ROBO2: variants seen among roughly 807,000 people sequenced by gnomAD.
ROBO2 encodes the protein roundabout guidance receptor 2, also known as roundabout homolog 2.
Under a neutral mutation model 160.8 loss-of-function variants are expected in ROBO2, and 53 were observed. That is an observed-to-expected ratio of 0.33 (90% confidence interval 0.26 to 0.41). ROBO2 has a LOEUF of 0.41. Ranked by LOEUF, ROBO2 falls within the 10% of genes least tolerant of loss-of-function variation. The probability of loss-of-function intolerance (pLI) is 1.00; values close to 1 mark genes in which losing one functional copy is unlikely to be tolerated. For missense variants in ROBO2, 1,577 were observed against 1,722.4 expected, an observed-to-expected ratio of 0.92 and a Z score of 1.49; for synonymous variants, 664 against 611.7, an observed-to-expected ratio of 1.09 and a Z score of -1.26.
chr3:76,800,806 C>T (rs1303318974), intron 2 of ROBO2, among the ~76,000 whole-genome samples: 1 of 152,130 alleles, frequency 6.6e-6, no homozygotes, highest in Non-Finnish European at 1.5e-5. Flanking sequence ...CTGCGGAGAA[C>T]AGTATGGGGG....
chr3:76,492,708 T>C (rs1472948681), intron 2 of ROBO2, among the ~76,000 whole-genome samples: 2 of 152,160 alleles, frequency 1.3e-5, no homozygotes, highest in African/African-American at 4.8e-5. Context: ...ACGTACTATA[T>C]ACAGCTTTTT....
chr3:76,990,087 T>C (rs1418234817), intron 2 of ROBO2, among the ~76,000 whole-genome samples: 2 of 104,974 alleles, frequency 1.9e-5, no homozygotes, highest in Non-Finnish European at 3.8e-5. Flanking sequence ...AAAATTATTT[T>C]TCTACTCTCT....
upstream of ROBO2, among the ~76,000 whole-genome samples, chr3:77,035,168 C>A (rs2063553967): frequency 6.6e-6 from 1 of 151,754 alleles, no homozygotes; most frequent in Non-Finnish European, 1.5e-5. Context: ...CCAAAGAACT[C>A]CTTTTTAATT....
intron 2 of ROBO2, among the ~76,000 whole-genome samples, chr3:76,343,299 TG>T (rs2074338740): frequency 6.6e-6 from 1 of 152,104 alleles, no homozygotes; most frequent in African/African-American, 2.4e-5. Flanking sequence ...CTTCCATTTT[TG>T]TTTGCCCTAA....
intron 2 of ROBO2, among the ~76,000 whole-genome samples, chr3:76,718,966 A>G (rs1002114550): frequency 2.0e-5 from 3 of 152,206 alleles, no homozygotes; most frequent in East Asian, 1.9e-4. Context: ...AAGCACGGAC[A>G]TATTTTTCAA....
In ROBO2 at chr3:76,304,775, T is replaced by C. The variant is rs544643868; in HGVS notation, c.109+367173T>C. Among the ~76,000 whole-genome samples the C allele has an allele frequency of 3.3e-5, 5 of 151,176 alleles. No individual in the cohort carries two copies. In the South Asian group the frequency reaches 8.4e-4, roughly 25 times the overall value. On this transcript the variant is annotated intron_variant, in intron 2 of 26. Transcript: ENST00000487694. The stretch of plus-strand genomic sequence containing the variant: ...CTTTCTTTCTTTCTTTCTTTCTTTC[T>C]TTCTTTCTTTCTTTCTTTCTTTCTC...
At chr3:76,438,682 T>G (rs2076791607) in intron 2 of ROBO2, among the ~76,000 whole-genome samples, 1 of 152,106 alleles carries the variant, frequency 6.6e-6, no homozygotes, top group African/African-American at 2.4e-5. Context: ...TGTAATTACA[T>G]TTTCAAGTAT....
intron 2 of ROBO2, among the ~76,000 whole-genome samples, chr3:76,103,521 T>C (rs1004114356): frequency 6.6e-6 from 1 of 152,208 alleles, no homozygotes; most frequent in African/African-American, 2.4e-5. Flanking sequence ...AGAATTATTC[T>C]TCGTAATGCT....
At chr3:76,013,287 CT>C (rs2066264862) in intron 2 of ROBO2, among the ~76,000 whole-genome samples, 1 of 145,472 alleles carries the variant, frequency 6.9e-6, no homozygotes, top group African/African-American at 2.6e-5. Context: ...GGCACGGTGG[CT>C]TATGCGTGTA....
intron 2 of ROBO2, among the ~76,000 whole-genome samples, chr3:76,441,073 T>C (rs1048699632): frequency 6.6e-6 from 1 of 152,188 alleles, no homozygotes; most frequent in African/African-American, 2.4e-5. Context: ...CTAGACCTCA[T>C]TGGGATAAAA....
chr3:76,795,371 C>A (rs779848728), intron 2 of ROBO2, among the ~76,000 whole-genome samples: 2 of 152,176 alleles, frequency 1.3e-5, no homozygotes, highest in African/African-American at 4.8e-5. Flanking sequence ...TGTAGAACTT[C>A]TTTCAGAATT....
intron 2 of ROBO2, among the ~76,000 whole-genome samples, chr3:76,680,739 C>T (rs1253709499): frequency 2.0e-5 from 3 of 151,920 alleles, no homozygotes; most frequent in African/African-American, 4.8e-5. Flanking sequence ...ATGACCTTAT[C>T]ACCATTCAGT....
intron 2 of ROBO2, among the ~76,000 whole-genome samples, chr3:76,235,051 C>T (rs1188736742): frequency 2.0e-5 from 3 of 152,018 alleles, no homozygotes; most frequent in East Asian, 1.9e-4. Context: ...CTTAGAAGGA[C>T]GTGAATTTTG....
rs142789291 is a variant in ROBO2, at chr3:77,178,874, G to T, written c.388+80534G>T. On this transcript the variant is annotated intron_variant, in intron 2 of 25. Transcript: ENST00000461745. ...GTTTGATTTGTTAAGAAATACTTAC[G>T]CTGTTCTCTCTAGTCTTAGTGTGGT... Among the ~76,000 whole-genome samples, 499 of 152,054 alleles carry T rather than the reference G, an allele frequency of 3.3e-3. 2 individuals carry two copies. The highest frequency in any genetic ancestry group is 0.011 in the South Asian group (52 of 4,822).
At chr3:77,515,706 G>A (rs2089940567) in intron 5 of ROBO2, among the ~76,000 whole-genome samples, 2 of 151,574 alleles carry the variant, frequency 1.3e-5, no homozygotes, top group Non-Finnish European at 3.0e-5. Context: ...TTTAAAAATT[G>A]AATGCCTATA....
At chr3:76,954,397 T>C (rs191112617) in intron 2 of ROBO2, among the ~76,000 whole-genome samples, 94 of 152,222 alleles carry the variant, frequency 6.2e-4, no homozygotes, top group South Asian at 3.3e-3. Flanking sequence ...ACAACACGAG[T>C]AGTTCTCTGA....
intron 2 of ROBO2, among the ~76,000 whole-genome samples, chr3:76,238,791 C>A (rs1705116218): frequency 6.6e-6 from 1 of 152,072 alleles, no homozygotes. Flanking sequence ...ACAGGTCTCC[C>A]CCTAGACACG....
intron 2 of ROBO2, among the ~76,000 whole-genome samples, chr3:76,592,683 A>G (rs896993124): frequency 6.6e-6 from 1 of 152,052 alleles, no homozygotes; most frequent in Non-Finnish European, 1.5e-5. Context: ...TCTCACAACT[A>G]TGTAGGCCAG....
At chr3:76,493,771 C>T (rs1393993175) in intron 2 of ROBO2, among the ~76,000 whole-genome samples, 1 of 151,974 alleles carries the variant, frequency 6.6e-6, no homozygotes, top group Non-Finnish European at 1.5e-5. Context: ...TGTCTTGTAC[C>T]TCTGCGAGGC....
Sources: allele counts gnomAD v4.1 joint callset (sites outside exome capture counted in the v4.1 genomes callset), GRCh38; gene constraint gnomAD v4.1.1; transcripts MANE v1.5; gene names NCBI Gene and HGNC (gene_info 2026-07-23, HGNC 2026-07-21).